CELF4: variants seen among roughly 807,000 people sequenced by gnomAD.
CELF4 encodes the protein CUGBP Elav-like family member 4, also known as CUG-BP- and ETR-3-like factor 4.
Under a neutral mutation model 59.9 loss-of-function variants are expected in CELF4, and 18 were observed. The ratio of observed to expected loss-of-function variants is 0.30; its 90% CI spans 0.21 to 0.45. CELF4 has a LOEUF of 0.45. Among genes scored for constraint, CELF4 ranks in the 20% least tolerant of loss-of-function variants. The pLI, the probability that CELF4 is intolerant of heterozygous loss-of-function variation, is 1.00. For synonymous variants in CELF4, 261 were observed against 267.1 expected, an observed-to-expected ratio of 0.98 and a Z score of 0.22; for missense variants, 456 against 689.0, an observed-to-expected ratio of 0.66 and a Z score of 3.79.
chr18:37,378,693 T>A (rs1471101688), intron 2 of CELF4, among the ~76,000 whole-genome samples: 3 of 152,154 alleles, frequency 2.0e-5, no homozygotes, highest in Non-Finnish European at 4.4e-5. Context: ...TTTAGGGTCT[T>A]ATTAAAACCC....
chr18:37,443,473 G>A (rs964849386), intron 2 of CELF4, among the ~76,000 whole-genome samples: 1 of 152,118 alleles, frequency 6.6e-6, no homozygotes, highest in Admixed American at 6.5e-5. Flanking sequence ...GTTTGAGAGA[G>A]CTCCCCACCA....
chr18:37,374,339 C>T (rs1437319350), intron 2 of CELF4, among the ~76,000 whole-genome samples: 1 of 152,234 alleles, frequency 6.6e-6, no homozygotes, highest in African/African-American at 2.4e-5. Flanking sequence ...GTCCTCACTG[C>T]CTGGTGCAGG....
At chr18:37,372,320 T>C (rs1170241405) in intron 2 of CELF4, among the ~76,000 whole-genome samples, 1 of 152,228 alleles carries the variant, frequency 6.6e-6, no homozygotes, top group Non-Finnish European at 1.5e-5. Flanking sequence ...GCTGAGTTCA[T>C]GTCCTTTGTA....
intron 2 of CELF4, among the ~76,000 whole-genome samples, chr18:37,451,899 C>T (rs1365144076): frequency 1.3e-5 from 2 of 152,182 alleles, no homozygotes; most frequent in Non-Finnish European, 2.9e-5. Flanking sequence ...TGCTTAATTC[C>T]CTCCTCCACC....
At chr18:37,366,479 G>A (rs1353149275) in intron 2 of CELF4, among the ~76,000 whole-genome samples, 3 of 152,128 alleles carry the variant, frequency 2.0e-5, no homozygotes, top group Non-Finnish European at 2.9e-5. Flanking sequence ...TGGCTCATCC[G>A]GTCAGGGGAG....
intron 2 of CELF4, among the ~76,000 whole-genome samples, chr18:37,325,597 C>A (rs529301836): frequency 1.8e-3 from 280 of 152,310 alleles, no homozygotes; most frequent in Non-Finnish European, 2.2e-3. Flanking sequence ...ATGGTGCAGG[C>A]AGACCTCCTC....
At chr18:37,361,570 G>C (rs1042714872) in intron 2 of CELF4, among the ~76,000 whole-genome samples, 1 of 152,288 alleles carries the variant, frequency 6.6e-6, no homozygotes, top group African/African-American at 2.4e-5. Flanking sequence ...TAGCTGCCTC[G>C]TTTACAGTTG....
intron 2 of CELF4, among the ~76,000 whole-genome samples, chr18:37,355,644 G>T (rs537510773): frequency 1.3e-5 from 2 of 150,046 alleles, no homozygotes; most frequent in South Asian, 4.3e-4. Context: ...CTGTACTCCA[G>T]CCTGGGCGAC....
chr18:37,259,368 T>TGGGG, intron 10 of CELF4, 104 bp from the exon 11 acceptor site: 1 of 45,546 alleles, frequency 2.2e-5, no homozygotes. Flanking sequence ...CAGGGAGGGG[T>TGGGG]GGGGGCAAGG....
chr18:37,255,736 G>C (rs1164348413), intron 11 of CELF4, among the ~76,000 whole-genome samples: 1 of 152,156 alleles, frequency 6.6e-6, no homozygotes, highest in Non-Finnish European at 1.5e-5. Context: ...CTGGACAAAA[G>C]CCTGTCCCTG....
intron 2 of CELF4, among the ~76,000 whole-genome samples, chr18:37,480,216 GA>G (rs746583558): frequency 1.3e-5 from 2 of 151,632 alleles, no homozygotes; most frequent in Non-Finnish European, 2.9e-5. Context: ...ATCTGGCTGA[GA>G]TGATCTCTGC....
At chr18:37,272,979 A>G in intron 7 of CELF4, 37 bp downstream of exon 7, 1 of 1,581,856 alleles carries the variant, frequency 6.3e-7, no homozygotes. Flanking sequence ...CTGTTCTCCC[A>G]CCGGGCCAGA....
chr18:37,492,797 C>T (rs1312769660), intron 1 of CELF4, among the ~76,000 whole-genome samples: 1 of 152,152 alleles, frequency 6.6e-6, no homozygotes, highest in Admixed American at 6.5e-5. Flanking sequence ...GGCCTCTGCC[C>T]ATGGCCTGCC....
intron 2 of CELF4, among the ~76,000 whole-genome samples, chr18:37,343,519 G>C (rs1299723474): frequency 6.6e-6 from 1 of 152,032 alleles, no homozygotes; most frequent in Non-Finnish European, 1.5e-5. Flanking sequence ...GCCAGGCTCG[G>C]CTTTGTGTTC....
intron 3 of CELF4, among the ~76,000 whole-genome samples, chr18:37,299,142 C>T (rs937147820): frequency 6.6e-6 from 1 of 152,188 alleles, no homozygotes; most frequent in African/African-American, 2.4e-5. Flanking sequence ...GGTGAACTCC[C>T]TCCCAGGCCC....
At chr18:37,454,053 A>C (rs2099771440) in intron 2 of CELF4, among the ~76,000 whole-genome samples, 1 of 152,030 alleles carries the variant, frequency 6.6e-6, no homozygotes, top group Admixed American at 6.5e-5. Flanking sequence ...CTCTCCACTC[A>C]TCTGTCTTTC....
At chr18:37,397,685 C>T (rs2099262253) in intron 2 of CELF4, among the ~76,000 whole-genome samples, 1 of 152,216 alleles carries the variant, frequency 6.6e-6, no homozygotes, top group African/African-American at 2.4e-5. Flanking sequence ...ATGACCAGCT[C>T]CTGGCTTATG....
chr18:37,511,835 A>G (rs1482234161), intron 1 of CELF4, among the ~76,000 whole-genome samples: 1 of 151,890 alleles, frequency 6.6e-6, no homozygotes, highest in Admixed American at 6.6e-5. Context: ...ACTTTGACAA[A>G]TGGTTTCTCT....
chr18:37,254,004 A>C lies in CELF4; in HGVS notation c.1334-66T>G. On this transcript the variant is annotated intron_variant, in intron 11 of 12. Coordinates refer to ENST00000420428, the MANE Select transcript of CELF4 (RefSeq NM_020180.4). This position sits in a 1 kb window ranked among gnomAD's most constrained non-coding sequence, Gnocchi z 5.1. ...GCCGCCCGGGGCGCTGCCGGCGGGGAGGGGTCGGGGGACAGGGGGGCGGGG... is the reference window on the plus strand; with the variant it reads ...GCCGCCCGGGGCGCTGCCGGCGGGGCGGGGTCGGGGGACAGGGGGGCGGGG... 1.0e-5 allele frequency: 2 copies of C among 199,970 alleles called. No individual in the cohort carries two copies. The highest frequency in any genetic ancestry group is 1.8e-5 in the Non-Finnish European group (2 of 111,748). 12.4% of individuals were successfully genotyped at this position (199,970 alleles called of 1,614,324 possible). A position where few individuals can be genotyped will look rare whatever the true frequency, so the allele number is the denominator to read the frequency against.
Sources: allele counts gnomAD v4.1 joint callset (sites outside exome capture counted in the v4.1 genomes callset), GRCh38; gene constraint gnomAD v4.1.1; non-coding constraint Gnocchi (gnomAD v3.1); transcripts MANE v1.5; gene names NCBI Gene and HGNC (gene_info 2026-07-23, HGNC 2026-07-21).